The following MTHFD2L variants were observed in gnomAD, a reference collection of about 807,000 sequenced individuals.
MTHFD2L encodes the protein bifunctional methylenetetrahydrofolate dehydrogenase/cyclohydrolase 2, mitochondrial.
MTHFD2L carries 29 observed loss-of-function variants against 34.9 expected under a neutral mutation model. The ratio of observed to expected loss-of-function variants is 0.83; its 90% CI spans 0.62 to 1.13. The LOEUF (loss-of-function observed/expected upper bound fraction) is 1.13, where lower values mean the gene tolerates loss of function less well. Ranked by LOEUF, MTHFD2L falls within the 50% of genes most tolerant of loss-of-function variation. MTHFD2L has a pLI of 0.00. For missense variants in MTHFD2L, 481 were observed against 446.5 expected (o/e 1.08, Z -0.70); for synonymous variants, 167 against 155.7 (o/e 1.07, Z -0.54).
chr4:74,149,134 C>T lies in MTHFD2L; in HGVS notation c.-296-10921C>T, dbSNP rs561897148. Among the ~76,000 whole-genome samples the T allele has an allele frequency of 2.6e-5, 4 of 151,940 alleles. No individual in the cohort carries two copies. In the East Asian group the frequency reaches 7.7e-4, roughly 29 times the overall value. On this transcript the variant is annotated intron_variant, in intron 1 of 7. Coordinates refer to the MTHFD2L transcript ENST00000433372. The stretch of plus-strand genomic sequence containing the variant: ...TCCAGCTCTCATTAGATAGTTTTAT[C>T]TTCTCAATTCTGATAGTGCCACTTG...
intron 3 of MTHFD2L, among the ~76,000 whole-genome samples, chr4:74,191,740 G>A (rs1732562784): frequency 6.6e-6 from 1 of 151,744 alleles, no homozygotes; most frequent in African/African-American, 2.4e-5. Flanking sequence ...TTAGGGTTTT[G>A]TATTTTTAGG....
intron 5 of MTHFD2L, among the ~76,000 whole-genome samples, chr4:74,223,448 A>G (rs894263472): frequency 2.0e-5 from 3 of 152,042 alleles, no homozygotes; most frequent in African/African-American, 7.2e-5. Flanking sequence ...GGGGAACAAC[A>G]GACACTGAAG....
At chr4:74,287,060 A>G (rs564335516) in intron 7 of MTHFD2L, among the ~76,000 whole-genome samples, 1 of 152,302 alleles carries the variant, frequency 6.6e-6, no homozygotes, top group African/African-American at 2.4e-5. Context: ...TGTAAAGGTG[A>G]TAAGTCTAAT....
At chr4:74,291,003 C>CT (rs10585551) in intron 7 of MTHFD2L, among the ~76,000 whole-genome samples, 482 of 29,204 alleles carry the variant, frequency 0.017, 79 homozygotes, top group Middle Eastern at 0.062. Context: ...TTTTCCTTTT[C>CT]TTTTTTTTTT....
At chr4:74,168,865 CT>C (rs1727312402) in intron 1 of MTHFD2L, among the ~76,000 whole-genome samples, 2 of 152,138 alleles carry the variant, frequency 1.3e-5, no homozygotes, top group Admixed American at 1.3e-4. Flanking sequence ...ACCTTTTTAG[CT>C]TTTCAAGAAT....
intron 3 of MTHFD2L, among the ~76,000 whole-genome samples, chr4:74,176,085 AGTAT>A (rs1329238794): frequency 6.6e-6 from 1 of 152,098 alleles, no homozygotes; most frequent in Non-Finnish European, 1.5e-5. Flanking sequence ...AAGGAATTTC[AGTAT>A]GAAGTTTCAC....
rs201946563 is a variant in MTHFD2L at position 74,201,345 on chromosome 4, T to C, written c.687T>C (p.Thr229=). 1.1e-5 allele frequency: 17 copies of C among 1,613,514 alleles called. No homozygotes were observed. The highest frequency in any genetic ancestry group is 1.3e-5 in the Non-Finnish European group (15 of 1,179,716). Residue 229 remains threonine (T), a synonymous_variant, in exon 5 of 8, where the codon ACT becomes ACC. Transcript: ENST00000325278. ...VGMPIAMLLH[T]DGEHERPGGD... ...TGCCTATTGCCATGCTTTTACACAC[T>C]GATGGAGAGCATGAACGGCCAGGAG...
rs573314604 is a variant in MTHFD2L, at chr4:74,271,615, G to C, written c.806-9810G>C. Among the ~76,000 whole-genome samples the C allele has an allele frequency of 2.6e-5, 4 of 152,250 alleles. No individual in the cohort carries two copies. The East Asian group carries it at 7.7e-4, about 29-fold the overall frequency. ...GAAGTCAGGTAGCATGATGCCTCCA[G>C]CTTGTTCTTTTGGCTTAGGATTGTC... On this transcript the variant is annotated intron_variant, in intron 6 of 7. Transcript: ENST00000325278.
At chr4:74,138,841 G>T (rs962771400) in intron 1 of MTHFD2L, among the ~76,000 whole-genome samples, 11 of 152,150 alleles carry the variant, frequency 7.2e-5, no homozygotes, top group Non-Finnish European at 1.5e-4. Flanking sequence ...AAATGCCTGG[G>T]TTTATATCCC....
intron 5 of MTHFD2L, among the ~76,000 whole-genome samples, chr4:74,211,711 G>C (rs537930441): frequency 1.3e-5 from 2 of 152,176 alleles, no homozygotes; most frequent in African/African-American, 2.4e-5. Context: ...AATGAGTTAA[G>C]GGGGAGTCCC....
At chr4:74,121,219 G>A (rs573723377), upstream of MTHFD2L, among the ~76,000 whole-genome samples, 4 of 152,260 alleles carry the variant, frequency 2.6e-5, no homozygotes, top group Non-Finnish European at 4.4e-5. Flanking sequence ...TTGTGAATAA[G>A]CCAAGTGAAC....
chr4:74,238,190 T>A (rs912817247), intron 6 of MTHFD2L, among the ~76,000 whole-genome samples: 4 of 152,178 alleles, frequency 2.6e-5, no homozygotes, highest in Non-Finnish European at 5.9e-5. Context: ...GTGTTTGAAA[T>A]GTACTATGGA....
chr4:74,202,100 C>G (rs1266972648), intron 5 of MTHFD2L, among the ~76,000 whole-genome samples: 3 of 152,196 alleles, frequency 2.0e-5, no homozygotes, highest in Non-Finnish European at 2.9e-5. Context: ...CTTACAGACT[C>G]CACGCACAGT....
intron 6 of MTHFD2L, among the ~76,000 whole-genome samples, chr4:74,263,311 G>C (rs1744904792): frequency 6.6e-6 from 1 of 151,794 alleles, no homozygotes; most frequent in Non-Finnish European, 1.5e-5. Flanking sequence ...TTGGCTATTT[G>C]AGCTCTTTTT....
chr4:74,240,007 G>A (rs1741464692), intron 6 of MTHFD2L, among the ~76,000 whole-genome samples: 1 of 152,104 alleles, frequency 6.6e-6, no homozygotes, highest in Non-Finnish European at 1.5e-5. Context: ...CAAAAGGAGT[G>A]AGAATCCCTC....
chr4:74,158,094 T>C, upstream of MTHFD2L: 8 of 1,531,760 alleles, frequency 5.2e-6, no homozygotes, highest in Non-Finnish European at 7.0e-6. Flanking sequence ...AGGACTGGAG[T>C]CGCGGGAGGT....
chr4:74,297,497 C>G (rs1013692329), intron 7 of MTHFD2L, among the ~76,000 whole-genome samples: 1 of 151,996 alleles, frequency 6.6e-6, no homozygotes, highest in Admixed American at 6.6e-5. Context: ...CACACCTACA[C>G]CCACAGTAAA....
chr4:74,210,562 G>A (rs551593001), intron 5 of MTHFD2L, among the ~76,000 whole-genome samples: 15 of 152,102 alleles, frequency 9.9e-5, no homozygotes, highest in African/African-American at 2.2e-4. Context: ...TATCTGTTTC[G>A]GTACCAGTAC....
intron 6 of MTHFD2L, among the ~76,000 whole-genome samples, chr4:74,274,879 GT>G (rs1746415014): frequency 6.6e-6 from 1 of 152,138 alleles, no homozygotes; most frequent in African/African-American, 2.4e-5. Context: ...TTAGTAACAT[GT>G]TAGGGTGTGG....
Sources: allele counts gnomAD v4.1 joint callset (sites outside exome capture counted in the v4.1 genomes callset), GRCh38; gene constraint gnomAD v4.1.1; transcripts MANE v1.5; gene names NCBI Gene and HGNC (gene_info 2026-07-23, HGNC 2026-07-21).